The following DYM variants were observed in gnomAD, a reference collection of about 807,000 sequenced individuals.
DYM encodes dyggve-Melchior-Clausen syndrome protein.
A neutral mutation model predicts 93.1 loss-of-function variants in DYM; 78 were observed. The observed-to-expected ratio is 0.84, with a 90% CI of 0.70 to 1.01. The LOEUF (loss-of-function observed/expected upper bound fraction) is 1.01. DYM is among the 50% of genes least tolerant of loss of function. The pLI is 0.00. For missense variants in DYM, 789 were observed against 845.0 expected (o/e 0.93, Z 0.82); for synonymous variants, 321 against 319.7 (o/e 1.00, Z -0.04).
chr18:49,259,906 AAATAAAT>A (rs1350585982), intron 11 of DYM, among the ~76,000 whole-genome samples: 2 of 152,210 alleles, frequency 1.3e-5, no homozygotes, highest in Admixed American at 6.5e-5. Context: ...TAAAGTAAAT[AAATAAAT>A]AATAAACTGT....
intron 3 of DYM, among the ~76,000 whole-genome samples, chr18:49,385,617 C>T (rs2068530653): frequency 6.6e-6 from 1 of 151,954 alleles, no homozygotes; most frequent in Non-Finnish European, 1.5e-5. Flanking sequence ...ATTGCTTGAA[C>T]CCAGGAGGTG....
intron 1 of DYM, among the ~76,000 whole-genome samples, chr18:49,460,098 A>T: frequency 6.6e-6 from 1 of 152,190 alleles, no homozygotes; most frequent in East Asian, 1.9e-4. Context: ...GCTATTGCTC[A>T]CCCTGCCCAT....
chr18:49,197,505 A>G (rs1161727483), intron 14 of DYM, among the ~76,000 whole-genome samples: 1 of 152,134 alleles, frequency 6.6e-6, no homozygotes, highest in African/African-American at 2.4e-5. Flanking sequence ...GAATGCATGT[A>G]AACAATTCAC....
At chr18:49,411,470 A>T (rs191847851) in intron 2 of DYM, among the ~76,000 whole-genome samples, 48 of 145,302 alleles carry the variant, frequency 3.3e-4, no homozygotes, top group Admixed American at 7.4e-4. Context: ...CTAAAATTTT[A>T]AATTAAGTAT....
At chr18:49,209,486 A>C in intron 14 of DYM, 65 bp downstream of exon 14, 1 of 1,022,408 alleles carries the variant, frequency 9.8e-7, no homozygotes, top group Non-Finnish European at 1.2e-6. Context: ...GTCTTATTAA[A>C]ACATGCAATT....
At chr18:49,206,105 T>A in intron 14 of DYM, 1 of 230,964 alleles carries the variant, frequency 4.3e-6, no homozygotes, top group Non-Finnish European at 8.2e-6. Flanking sequence ...CTCAAGCGAT[T>A]CTCCTGCCTC....
At chr18:49,377,737 G>GT (rs1258373162) in intron 5 of DYM, among the ~76,000 whole-genome samples, 1 of 152,036 alleles carries the variant, frequency 6.6e-6, no homozygotes, top group African/African-American at 2.4e-5. Flanking sequence ...TTAAAAACAC[G>GT]TATTTAGCAA....
chr18:49,430,488 G>A, intron 1 of DYM, 41 bp from the exon 2 acceptor site: 1 of 1,472,668 alleles, frequency 6.8e-7, no homozygotes, highest in Non-Finnish European at 9.3e-7. Context: ...TTGTTCAAAA[G>A]TCATCATGCT....
At chr18:49,348,374 T>C (rs1346967845) in intron 6 of DYM, among the ~76,000 whole-genome samples, 1 of 152,150 alleles carries the variant, frequency 6.6e-6, no homozygotes. Context: ...AGTATGTTAG[T>C]ATAATGGCCA....
intron 13 of DYM, among the ~76,000 whole-genome samples, chr18:49,210,778 A>C (rs1227328006): frequency 6.6e-6 from 1 of 152,150 alleles, no homozygotes; most frequent in Non-Finnish European, 1.5e-5. Context: ...GGGAGGTTGG[A>C]GGCCAGGGGA....
At chr18:49,172,262 CTTTA>C (rs770226198) in intron 14 of DYM, among the ~76,000 whole-genome samples, 19 of 152,228 alleles carry the variant, frequency 1.2e-4, no homozygotes, top group South Asian at 2.1e-4. Flanking sequence ...GCCTCGATTT[CTTTA>C]TTTATCAGTG....
intron 13 of DYM, among the ~76,000 whole-genome samples, chr18:49,215,609 G>C (rs2092995550): frequency 6.6e-6 from 1 of 152,054 alleles, no homozygotes; most frequent in Admixed American, 6.5e-5. Context: ...TCATGTTTTG[G>C]GCAGTGTTGA....
chr18:49,331,834 A>C, intron 8 of DYM, 30 bp downstream of exon 8: 2 of 1,613,578 alleles, frequency 1.2e-6, no homozygotes, highest in Non-Finnish European at 1.7e-6. Context: ...TATGTGCACC[A>C]AAGAATTGAA....
intron 13 of DYM, 106 bp from the exon 14 acceptor site, chr18:49,209,821 T>C (rs2092697869): frequency 1.5e-6 from 1 of 663,750 alleles, no homozygotes; most frequent in Non-Finnish European, 1.9e-6. Context: ...CTTCACTAGA[T>C]GGTGCCCAAG....
At chr18:49,402,443 G>A (rs754159390) in intron 2 of DYM, among the ~76,000 whole-genome samples, 5 of 152,050 alleles carry the variant, frequency 3.3e-5, no homozygotes, top group African/African-American at 7.2e-5. Context: ...TAATGAGAAC[G>A]ACAGCAATAA....
chr18:49,125,171 A>G (rs893461520), intron 15 of DYM, among the ~76,000 whole-genome samples: 1 of 152,182 alleles, frequency 6.6e-6, no homozygotes, highest in Non-Finnish European at 1.5e-5. Flanking sequence ...GAGGCAGGAG[A>G]ATCACTTGAA....
At chr18:49,151,827 G>T (rs1298815506) in intron 15 of DYM, among the ~76,000 whole-genome samples, 2 of 152,078 alleles carry the variant, frequency 1.3e-5, no homozygotes, top group African/African-American at 4.8e-5. Flanking sequence ...GGCAGAAGGG[G>T]AGAAACAGAA....
chr18:49,254,871 A>C (rs1289133167), intron 13 of DYM, among the ~76,000 whole-genome samples: 1 of 152,236 alleles, frequency 6.6e-6, no homozygotes, highest in Non-Finnish European at 1.5e-5. Context: ...TTATGGTGAA[A>C]TAAAGCATGG....
chr18:49,445,978 G>A (rs549601575), intron 1 of DYM, among the ~76,000 whole-genome samples: 1 of 152,078 alleles, frequency 6.6e-6, no homozygotes, highest in Non-Finnish European at 1.5e-5. Flanking sequence ...TATACTGGAA[G>A]TGCTTTTAGA....
Sources: allele counts gnomAD v4.1 joint callset (sites outside exome capture counted in the v4.1 genomes callset), GRCh38; gene constraint gnomAD v4.1.1; transcripts MANE v1.5; gene names NCBI Gene and HGNC (gene_info 2026-07-23, HGNC 2026-07-21).